FRMPD3: variants seen among roughly 807,000 people sequenced by gnomAD.
The protein encoded by FRMPD3 is FERM and PDZ domain-containing protein 3.
Under a neutral mutation model 97.9 loss-of-function variants are expected in FRMPD3, and 42 were observed. The observed-to-expected ratio is 0.43, with a 90% confidence interval of 0.34 to 0.55. The LOEUF (loss-of-function observed/expected upper bound fraction) is 0.55. FRMPD3 is among the 20% of genes least tolerant of loss of function. The pLI is 0.03. For missense variants in FRMPD3, 1,303 were observed against 1,457.7 expected (o/e 0.89, Z 1.73); for synonymous variants, 577 against 581.1 (o/e 0.99, Z 0.10).
intron 1 of FRMPD3, among the ~76,000 whole-genome samples, chrX:107,518,913 A>C (rs1245332843): frequency 8.9e-6 from 1 of 112,664 alleles, no homozygotes; most frequent in Non-Finnish European, 1.9e-5. Context: ...ATTCTGACAC[A>C]TGCAGCAATA....
At chrX:107,595,171 G>A (rs955596040) in intron 13 of FRMPD3, among the ~76,000 whole-genome samples, 7 of 109,344 alleles carry the variant, frequency 6.4e-5, no homozygotes, top group African/African-American at 2.3e-4. Flanking sequence ...ACAAAAATTA[G>A]CTGGGCGTGG....
intron 1 of FRMPD3, among the ~76,000 whole-genome samples, chrX:107,467,699 C>G (rs1198082604): frequency 9.2e-6 from 1 of 108,403 alleles, no homozygotes; most frequent in Non-Finnish European, 1.9e-5. Context: ...AGAGTCTAGG[C>G]CTCTCTCTCT....
chrX:107,525,332 C>T (rs1364665297), intron 1 of FRMPD3, among the ~76,000 whole-genome samples: 1 of 111,767 alleles, frequency 8.9e-6, no homozygotes, highest in African/African-American at 3.3e-5. Context: ...TTACCTTCTT[C>T]CCTGGCCTTG....
chrX:107,563,655 AT>A (rs776042266), intron 11 of FRMPD3, among the ~76,000 whole-genome samples: 2 of 111,691 alleles, frequency 1.8e-5, no homozygotes, highest in African/African-American at 3.3e-5. Context: ...GCCTCTTCTG[AT>A]TTTTTTTCCC....
Position 107,552,963 on chromosome X carries a change from G to T in FRMPD3, c.642+37G>T, listed in dbSNP as rs201017923. The T allele has an allele frequency of 2.0e-5, 24 of 1,173,980 alleles. No individual in the cohort carries two copies. The Admixed American group carries it at 3.6e-4, about 17-fold the overall frequency. On this transcript the variant is annotated intron_variant, in intron 7 of 14. Coordinates refer to ENST00000683843, the MANE Select transcript of FRMPD3 (RefSeq NM_001388459.1). ...TTTTTTACAGATAGCTTTGCATGTG[G>T]CCTCTAGTAGAGAAGACCCAAGGCA...
intron 12 of FRMPD3, among the ~76,000 whole-genome samples, chrX:107,568,432 G>A (rs1922704553): frequency 1.1e-5 from 1 of 87,907 alleles, no homozygotes; most frequent in African/African-American, 4.4e-5. Flanking sequence ...TAAAGAGGCT[G>A]GGCACAGTCG....
rs1001223268 is a variant in FRMPD3 at position 107,570,782 on chromosome X, C to T, written c.1297-5533C>T. Among the ~76,000 whole-genome samples, 8 of 111,312 alleles carry T rather than the reference C, an allele frequency of 7.2e-5. No homozygotes were observed. In the South Asian group the frequency reaches 1.2e-3, roughly 16 times the overall value. On this transcript the variant is annotated intron_variant, in intron 12 of 14. Transcript: ENST00000683843. ...CTGTTTTCAGGGATGCTAGAGTGAG[C>T]GAAGGCTACCCCAGGGAAAATCCTT...
chrX:107,488,519 C>G (rs1921565397), intron 1 of FRMPD3, among the ~76,000 whole-genome samples: 2 of 112,143 alleles, frequency 1.8e-5, no homozygotes, highest in African/African-American at 6.5e-5. Context: ...AGGACTTTCC[C>G]AAGTGCAGAG....
rs41311555 is a variant in FRMPD3 at position 107,563,071 on chromosome X, C to T, written c.1027-40C>T. 8,489 of 1,083,712 alleles carry T rather than the reference C, an allele frequency of 7.8e-3. 28 individuals are homozygous for T. The highest frequency in any genetic ancestry group is 0.01 in the Non-Finnish European group (7,897 of 783,317). The allele number at this position is 1,083,712 out of a possible 1,213,427, so 89.3% of individuals were successfully genotyped here. A position where few individuals can be genotyped will look rare whatever the true frequency, so the allele number is the denominator to read the frequency against. ...GAACATGGGTTTGCTTTTCCTGTGC[C>T]CCTCAGGCTTCTCATATTTCTGGAT... On this transcript the variant is annotated intron_variant, in intron 10 of 14. Coordinates refer to ENST00000683843, the MANE Select transcript of FRMPD3 (RefSeq NM_001388459.1).
chrX:107,554,536 C>G, intron 8 of FRMPD3, 32 bp downstream of exon 8: 1 of 1,191,982 alleles, frequency 8.4e-7, no homozygotes. Context: ...CACAGACAGA[C>G]CAGTGGACAA....
intron 1 of FRMPD3, among the ~76,000 whole-genome samples, chrX:107,509,140 T>G (rs1315314346): frequency 8.9e-6 from 1 of 112,405 alleles, no homozygotes; most frequent in Non-Finnish European, 1.9e-5. Flanking sequence ...GCCAGGTCCC[T>G]TGCTGATGTT....
rs1924563016 is a variant in FRMPD3 at position 107,602,281 on chromosome X, A to G, written c.4242A>G (p.Pro1414=). 8.3e-7 allele frequency: 1 copy of G among 1,207,327 alleles called. No individual in the cohort carries two copies. The highest frequency in any genetic ancestry group is 1.8e-5 in the African/African-American group (1 of 57,077). The change falls in exon 15 of 15, where the codon CCA becomes CCG. Residue 1414 remains proline, a synonymous_variant. Transcript: ENST00000683843. ...DRASLTSDVY[P]HPPLGMLPRE... ...CCTCGCTGACCTCGGATGTCTACCC[A>G]CATCCTCCCCTGGGCATGCTGCCCA...
At chrX:107,467,906 A>G (rs2147890680) in intron 1 of FRMPD3, among the ~76,000 whole-genome samples, 1 of 111,823 alleles carries the variant, frequency 8.9e-6, no homozygotes, top group South Asian at 3.8e-4. Flanking sequence ...ACATATATTG[A>G]TGGCCTTCAG....
At chrX:107,524,552 T>C (rs1195111201) in intron 1 of FRMPD3, among the ~76,000 whole-genome samples, 4 of 112,395 alleles carry the variant, frequency 3.6e-5, no homozygotes, top group Non-Finnish European at 5.6e-5. Flanking sequence ...AATTTCTCTT[T>C]TATACAATTA....
rs1447067067 is a variant in FRMPD3 at position 107,486,958 on chromosome X, T to C, written c.-8+36953T>C. ...AGAGTAGGCTCACTGAGAAATGGGA[T>C]CTAGGGCCGGGCATTGTGGCTCACA... On this transcript the variant is annotated intron_variant, in intron 1 of 14. Transcript: ENST00000683843. Among the ~76,000 whole-genome samples, 3 of 110,363 alleles carry C rather than the reference T, an allele frequency of 2.7e-5. 1 individual carries two copies. The South Asian group carries it at 1.2e-3, about 44-fold the overall frequency.
At chrX:107,560,493 T>C in intron 9 of FRMPD3, 100 bp downstream of exon 9, 1 of 1,058,201 alleles carries the variant, frequency 9.4e-7, no homozygotes, top group Non-Finnish European at 1.3e-6. Context: ...ATGTAGGACA[T>C]GGGATGGGAG....
intron 1 of FRMPD3, among the ~76,000 whole-genome samples, chrX:107,468,511 T>G (rs1220338167): frequency 8.9e-6 from 1 of 111,762 alleles, no homozygotes; most frequent in Non-Finnish European, 1.9e-5. Context: ...TGTATTGACA[T>G]GTGCTAGGAA....
intron 1 of FRMPD3, among the ~76,000 whole-genome samples, chrX:107,488,619 T>C (rs903388532): frequency 2.7e-5 from 3 of 111,927 alleles, no homozygotes; most frequent in Non-Finnish European, 5.6e-5. Context: ...TTTTCTTCAG[T>C]GGATATGTAC....
intron 10 of FRMPD3, among the ~76,000 whole-genome samples, chrX:107,562,248 G>A (rs530266334): frequency 5.3e-5 from 6 of 112,586 alleles, no homozygotes; most frequent in African/African-American, 1.9e-4. Flanking sequence ...TGTGCAAGGG[G>A]TGAAGATAGG....
Sources: allele counts gnomAD v4.1 joint callset (sites outside exome capture counted in the v4.1 genomes callset), GRCh38; gene constraint gnomAD v4.1.1; transcripts MANE v1.5; gene names NCBI Gene and HGNC (gene_info 2026-07-23, HGNC 2026-07-21).